Variants in USP6 observed in about 807,000 individuals in gnomAD.
The protein encoded by USP6 is ubiquitin specific peptidase 6, also known as ubiquitin carboxyl-terminal hydrolase 6.
A neutral mutation model predicts 175.7 loss-of-function variants in USP6; 128 were observed. The observed-to-expected ratio is 0.73, with a 90% CI of 0.63 to 0.84. USP6 has a LOEUF of 0.84. Among genes scored for constraint, USP6 ranks in the 40% least tolerant of loss-of-function variants. The pLI is 0.00. For synonymous variants in USP6, 562 were observed against 630.6 expected (o/e 0.89, Z 1.63); for missense variants, 1,498 against 1,760.3 (o/e 0.85, Z 2.67).
chr17:5,161,782 G>A (rs1156842648), intron 32 of USP6, among the ~76,000 whole-genome samples, 168 bp downstream of exon 32: 2 of 152,228 alleles, frequency 1.3e-5, no homozygotes, highest in Non-Finnish European at 2.9e-5. Context: ...TTGAGAAGCC[G>A]AGGCGGGTGG....
intron 28 of USP6, 65 bp from the exon 29 acceptor site, chr17:5,147,018 G>A: frequency 1.4e-6 from 2 of 1,467,162 alleles, no homozygotes; most frequent in African/African-American, 2.8e-5. Context: ...AAATACATTA[G>A]AGAGAGAACT....
In USP6 at chr17:5,172,721, G is replaced by C. The variant is rs1227040562; in HGVS notation, c.4048-84G>C. 3.2e-6 allele frequency: 5 copies of C among 1,560,616 alleles called. No individual in the cohort carries two copies. The African/African-American group carries it at 6.8e-5, about 21-fold the overall frequency. ...GGAAGCAATCAGGTTAGTAATTACA[G>C]AGGGTTGGTCTTCCCTTTCCTGGCA... is the stretch of plus-strand genomic sequence containing the variant. On this transcript the variant is annotated intron_variant, in intron 37 of 37. Transcript: ENST00000574788.
At chr17:5,123,253 G>GATA in intron 4 of USP6, 1 of 153,476 alleles carries the variant, frequency 6.5e-6, no homozygotes, top group African/African-American at 2.4e-5. Context: ...CACGTCGGTG[G>GATA]CCACATGCTC....
chr17:5,168,731 C>G (rs766709351), intron 34 of USP6, 36 bp from the exon 35 acceptor site: 3 of 1,528,058 alleles, frequency 2.0e-6, no homozygotes, highest in East Asian at 4.5e-5. Flanking sequence ...TCTTCAGAAC[C>G]CTTTAATGCG....
intron 37 of USP6, 131 bp from the exon 38 acceptor site, chr17:5,172,674 C>G (rs1378027656): frequency 7.8e-7 from 1 of 1,274,052 alleles, no homozygotes; most frequent in Middle Eastern, 2.8e-4. Flanking sequence ...AGGTGTGAGA[C>G]AGCCAAACTA....
chr17:5,168,325 C>T (rs1411254315), intron 34 of USP6, among the ~76,000 whole-genome samples: 1 of 144,830 alleles, frequency 6.9e-6, no homozygotes, highest in Non-Finnish European at 1.6e-5. Flanking sequence ...CTAAAAAGCT[C>T]ATAACCTAGA....
chr17:5,123,893 G>C (rs2072797764), intron 4 of USP6, among the ~76,000 whole-genome samples: 1 of 146,472 alleles, frequency 6.8e-6, no homozygotes. Flanking sequence ...TCGCGCGCAA[G>C]CACGCACGTG....
chr17:5,170,474 C>T lies in USP6; in HGVS notation c.3518-5C>T. 2 of 1,602,276 alleles carry T rather than the reference C, an allele frequency of 1.2e-6. No individual in the cohort carries two copies. Among genetic ancestry groups the T allele is most frequent in the South Asian group, 2.2e-5 (2 of 89,998 alleles). On this transcript the variant is annotated splice_region_variant and splice_polypyrimidine_tract_variant and intron_variant, in intron 35 of 37. Coordinates refer to ENST00000574788, the MANE Select transcript of USP6 (RefSeq NM_001304284.2). The stretch of plus-strand genomic sequence containing the variant: ...TGTGAATCTTTTCTTCTGTCCTGTT[C>T]ACAGGTTCTCCTTCTTCATCAAGAA...
rs1214291098 is a variant in USP6, at chr17:5,155,492, T to A, written c.2714T>A (p.Val905Asp). Residue 905 changes from valine (V) to aspartate (D), a missense_variant, in exon 31 of 38, where the codon GTT (valine) becomes GAT (aspartate). Val to Asp is a radical substitution (Grantham distance 152). This residue lies in a region of USP6 where 1,217 missense variants were observed against 1,500.8 expected (regional missense o/e 0.81). Coordinates refer to ENST00000574788, the MANE Select transcript of USP6 (RefSeq NM_001304284.2). ...AGCCTCTTTGGAATGCCATTGATTG[T>A]TCCATGCACTGTGCATACCCGGAAG... Reference protein sequence around the residue: ...RPSLFGMPLIVPCTVHTRKKD... With the variant: ...RPSLFGMPLIDPCTVHTRKKD... 6.2e-7 allele frequency: 1 copy of A among 1,614,000 alleles called. No homozygotes were observed. The highest frequency in any genetic ancestry group is 8.5e-7 in the Non-Finnish European group (1 of 1,180,010).
chr17:5,132,916 C>A lies in USP6; in HGVS notation c.202C>A (p.Arg68=). The A allele has an allele frequency of 6.2e-7, 1 of 1,614,096 alleles. No homozygotes were observed. Among genetic ancestry groups the A allele is most frequent in the Non-Finnish European group, 8.5e-7 (1 of 1,179,992 alleles). ...AACATGCCTCATTTGACAGAAAATT[C>A]GGCGGGAGATGACACGAACGAGCAA... ...PVTAREAKKI[R]REMTRTSKWM... Residue 68 remains arginine, a synonymous_variant, in exon 13 of 38, where the codon CGG becomes AGG. Coordinates refer to ENST00000574788, the MANE Select transcript of USP6 (RefSeq NM_001304284.2). This position sits in a 1 kb window ranked among gnomAD's most constrained non-coding sequence, Gnocchi z 4.7.
chr17:5,148,824 G>A (rs960589737), intron 30 of USP6, 57 bp downstream of exon 30: 6 of 1,583,352 alleles, frequency 3.8e-6, no homozygotes, highest in Non-Finnish European at 5.2e-6. Flanking sequence ...TTGTGAAATA[G>A]CCATTTTCTG....
intron 30 of USP6, among the ~76,000 whole-genome samples, chr17:5,152,323 A>C (rs1212951136): frequency 2.0e-5 from 3 of 152,174 alleles, no homozygotes; most frequent in African/African-American, 7.2e-5. Flanking sequence ...CAGTGCACTC[A>C]CCTGAACAGG....
Position 5,120,923 on chromosome 17 carries a change from T to C in USP6, c.-1675+135T>C, listed in dbSNP as rs2072642096. The C allele has an allele frequency of 3.1e-5, 14 of 454,546 alleles. 1 individual carries two copies. Among genetic ancestry groups the C allele is most frequent in the South Asian group, 2.2e-4 (14 of 64,468 alleles). The allele number at this position is 454,546 out of a possible 1,614,324, so 28.2% of individuals were successfully genotyped here. Reference sequence around the variant, plus strand: ...GGAAACCAGTTGGACCAGCCCCTCATGATTTCGATGTAAAATGTGAGGCTC... The same window carrying C: ...GGAAACCAGTTGGACCAGCCCCTCACGATTTCGATGTAAAATGTGAGGCTC... On this transcript the variant is annotated intron_variant, in intron 3 of 37. Transcript: ENST00000574788.
chr17:5,154,354 A>G (rs905041498), intron 30 of USP6, among the ~76,000 whole-genome samples: 4 of 152,222 alleles, frequency 2.6e-5, no homozygotes, highest in Non-Finnish European at 5.9e-5. Context: ...TAAATATTCA[A>G]AGGTTCAGCA....
intron 31 of USP6, among the ~76,000 whole-genome samples, chr17:5,158,745 G>C (rs924285869): frequency 2.0e-5 from 3 of 151,332 alleles, no homozygotes. Flanking sequence ...AGAAAGGAGT[G>C]ATAGTTGTTT....
rs1235115405 is a variant in USP6, at chr17:5,144,841, C to T, written c.1970C>T (p.Pro657Leu). ...YVELKDSDGR[P>L]DWEVAAEAWD... ...GAACTGAAGGACAGTGATGGCCGAC[C>T]AGACTGGGAAGTAGCTGCAGAGGTT... The change falls in exon 26 of 38, where the codon CCA becomes CTA. Residue 657 changes from proline (P) to leucine (L), a missense_variant. By Grantham distance (98) the Pro-to-Leu change is moderately conservative (BLOSUM62 -3). Around this residue, in one of 2 missense-constraint regions of USP6, gnomAD observed 1,217 missense variants for 1,500.8 expected, o/e 0.81. Transcript: ENST00000574788. 6.2e-7 allele frequency: 1 copy of T among 1,603,482 alleles called. No individual in the cohort carries two copies. Among genetic ancestry groups the T allele is most frequent in the Admixed American group, 1.7e-5 (1 of 59,580 alleles).
rs1314672563 is a variant in USP6, at chr17:5,116,135, C to G, written c.-2533C>G. Among the ~76,000 whole-genome samples the G allele has an allele frequency of 6.6e-6, 1 of 152,256 alleles. No homozygotes were observed. The highest frequency in any genetic ancestry group is 1.5e-5 in the Non-Finnish European group (1 of 68,038). On this transcript the variant is annotated 5_prime_UTR_variant, in exon 1 of 38. Coordinates refer to ENST00000574788, the MANE Select transcript of USP6 (RefSeq NM_001304284.2). ...CAGGCGCCCATCAGTCTTCCCCTCA[C>G]TCGACGCTACCTTGGCGGCCGCGCC...
Position 5,166,529 on chromosome 17 carries a change from G to T in USP6, c.3037-1403G>T, listed in dbSNP as rs556784761. 2.0e-5 allele frequency among the ~76,000 whole-genome samples: 3 copies of T among 152,252 alleles called. No homozygotes were observed. In the South Asian group the frequency reaches 6.2e-4, roughly 32 times the overall value. ...ATGGAGGAAGTTCACCTCTGGAAGG[G>T]AGGAGCAATAAATAGGGTGGGTGAT... On this transcript the variant is annotated intron_variant, in intron 33 of 37. Transcript: ENST00000574788.
chr17:5,142,405 C>T lies in USP6; in HGVS notation c.1721C>T (p.Pro574Leu). 6.2e-7 allele frequency: 1 copy of T among 1,612,818 alleles called. No homozygotes were observed. Among genetic ancestry groups the T allele is most frequent in the Admixed American group, 1.7e-5 (1 of 59,800 alleles). ...RHLYELNRTN[P>L]IGMKGHMAKC... is the part of the protein sequence containing the mutation. ...TCCTCTCAAACTTCTAGGACAAATCCCATTGGTATGAAGGGGCATATGGCT... is the reference window on the plus strand; with the variant it reads ...TCCTCTCAAACTTCTAGGACAAATCTCATTGGTATGAAGGGGCATATGGCT... The change falls in exon 25 of 38, where the codon CCC (proline) becomes CTC (leucine). Residue 574 changes from proline to leucine, a missense_variant. Physicochemically the swap from Pro to Leu is moderately conservative, Grantham distance 98. Around this residue, in one of 2 missense-constraint regions of USP6, gnomAD observed 1,217 missense variants for 1,500.8 expected, o/e 0.81. Transcript: ENST00000574788.
Sources: gnomAD v4.1 joint callset for allele counts (sites outside exome capture counted in the v4.1 genomes callset) on GRCh38, gnomAD v4.1.1 for gene constraint, gnomAD v4.1.1 regional missense constraint, Gnocchi (gnomAD v3.1) non-coding constraint, MANE v1.5 for transcripts, NCBI Gene and HGNC (gene_info 2026-07-23, HGNC 2026-07-21) for gene names.